ZNF707: variants seen among roughly 807,000 people sequenced by gnomAD.
ZNF707 encodes zinc finger protein 707.
A neutral mutation model predicts 13.3 loss-of-function variants in ZNF707; 8 were observed. The observed-to-expected ratio is 0.60, with a 90% CI of 0.35 to 1.09. ZNF707 has a LOEUF of 1.09. Ranked by LOEUF, ZNF707 falls within the 50% of genes least tolerant of loss-of-function variation. The pLI, the probability that ZNF707 is intolerant of heterozygous loss-of-function variation, is 0.02. For synonymous variants in ZNF707, 225 were observed against 205.6 expected (o/e 1.09, Z -0.81); for missense variants, 530 against 512.6 (o/e 1.03, Z -0.33).
chr8:143,684,996 G>C (rs1436136166), intron 1 of ZNF707: 1 of 152,212 alleles, frequency 6.6e-6, no homozygotes, highest in Admixed American at 6.6e-5. Context: ...ATTCCACCGC[G>C]AAGGGGAGGA....
chr8:143,694,319 A>G lies in ZNF707; in HGVS notation c.905A>G (p.Asn302Ser). 2 of 1,601,990 alleles carry G rather than the reference A, an allele frequency of 1.2e-6. No individual in the cohort carries two copies. Among genetic ancestry groups the G allele is most frequent in the Non-Finnish European group, 1.7e-6 (2 of 1,172,648 alleles). The change falls in exon 6 of 6, where the codon AAC (asparagine) becomes AGC (serine). Residue 302 changes from asparagine to serine, a missense_variant. Physicochemically the swap from Asn to Ser is conservative, Grantham distance 46. Coordinates refer to ENST00000358656, the MANE Select transcript of ZNF707 (RefSeq NM_001100598.2). The surrounding 1 kb of genome is among the most constrained non-coding windows in gnomAD (Gnocchi z 4.4). ...DCGKAFRTKE[N>S]LSHHQRVHSG... ...GGCAAAGCCTTCCGGACCAAGGAGAACCTCAGCCACCACCAGAGGGTCCAC... is the reference window on the plus strand; with the variant it reads ...GGCAAAGCCTTCCGGACCAAGGAGAGCCTCAGCCACCACCAGAGGGTCCAC...
At chr8:143,689,850 G>C (rs1816638177) in intron 2 of ZNF707, among the ~76,000 whole-genome samples, 1 of 152,168 alleles carries the variant, frequency 6.6e-6, no homozygotes, top group African/African-American at 2.4e-5. Context: ...ACTGTACCCA[G>C]CTGTCCCTTA....
At chr8:143,691,747 C>T (rs782751069) in intron 5 of ZNF707, 34 bp downstream of exon 5, 64 of 1,524,938 alleles carry the variant, frequency 4.2e-5, no homozygotes, top group Non-Finnish European at 5.1e-5. Context: ...CGGCGGGCCC[C>T]GTCCCTGTGG....
rs781805560 is a variant in ZNF707 at position 143,691,625 on chromosome 8, C to T, written c.168C>T (p.Leu56=). Reference sequence around the variant, plus strand: ...GATTTTGCAGCCCCAGACCAGACCTCGTCTCTCGCCTGGAACAGTGGGAGG... The same window carrying T: ...GATTTTGCAGCCCCAGACCAGACCTTGTCTCTCGCCTGGAACAGTGGGAGG... ...ALGFCSPRPD[L]VSRLEQWEEP... The change falls in exon 5 of 6, where the codon CTC becomes CTT. Residue 56 remains leucine, a synonymous_variant. Transcript: ENST00000358656. The T allele has an allele frequency of 5.6e-6, 9 of 1,608,900 alleles. No individual in the cohort carries two copies. In the East Asian group the frequency reaches 6.7e-5, roughly 12 times the overall value.
chr8:143,687,515 T>C (rs1554612443), intron 1 of ZNF707: 1 of 152,056 alleles, frequency 6.6e-6, no homozygotes, highest in African/African-American at 2.4e-5. Flanking sequence ...TTTGTATTTT[T>C]AGTAGAGACA....
intron 1 of ZNF707, chr8:143,687,982 T>C (rs1816447877): frequency 6.8e-6 from 1 of 147,726 alleles, no homozygotes. Context: ...TTTTTTTTTT[T>C]TTTTTTTTGA....
chr8:143,694,684 C>A lies in ZNF707; in HGVS notation c.*154C>A. ...GCTCCCCAGTCCCCCGAGAAGTTTA[C>A]TGGGAAAACTGCCAGGTGGGAGAAG... On this transcript the variant is annotated 3_prime_UTR_variant, in exon 6 of 6. Coordinates refer to ENST00000358656, the MANE Select transcript of ZNF707 (RefSeq NM_001100598.2). This position sits in a 1 kb window ranked among gnomAD's most constrained non-coding sequence, Gnocchi z 4.4. The A allele has an allele frequency of 1.2e-6, 1 of 845,648 alleles. No homozygotes were observed. Among genetic ancestry groups the A allele is most frequent in the Non-Finnish European group, 1.7e-6 (1 of 573,798 alleles). 52.4% of individuals were successfully genotyped at this position (845,648 alleles called of 1,614,324 possible).
At chr8:143,691,891 G>C (rs141065044) in intron 5 of ZNF707, 178 bp downstream of exon 5, 81 of 1,002,366 alleles carry the variant, frequency 8.1e-5, no homozygotes, top group Middle Eastern at 2.3e-4. Flanking sequence ...CTCCTGCCCT[G>C]ATGGACACTG....
chr8:143,694,235 A>G lies in ZNF707; in HGVS notation c.821A>G (p.Asn274Ser), dbSNP rs572200870. The G allele has an allele frequency of 2.6e-5, 42 of 1,587,682 alleles. No individual in the cohort carries two copies. Among genetic ancestry groups the G allele is most frequent in the East Asian group, 4.5e-5 (2 of 44,472 alleles). The change falls in exon 6 of 6, where the codon AAC (asparagine) becomes AGC (serine). Residue 274 changes from asparagine to serine, a missense_variant. Transcript: ENST00000358656. This position sits in a 1 kb window ranked among gnomAD's most constrained non-coding sequence, Gnocchi z 4.4. Reference sequence around the variant, plus strand: ...GGGAAAGCCTTCAAGCAGAAGTCCAACCTTCTCAGACACCAGCTGGTGCAC... The same window carrying G: ...GGGAAAGCCTTCAAGCAGAAGTCCAGCCTTCTCAGACACCAGCTGGTGCAC... ...DCGKAFKQKS[N>S]LLRHQLVHTG...
chr8:143,693,882 T>A lies in ZNF707; in HGVS notation c.468T>A (p.Arg156=). 6.2e-7 allele frequency: 1 copy of A among 1,607,490 alleles called. No homozygotes were observed. Among genetic ancestry groups the A allele is most frequent in the Non-Finnish European group, 8.5e-7 (1 of 1,176,286 alleles). Residue 156 remains arginine (R), a synonymous_variant, in exon 6 of 6, where the codon CGT becomes CGA. Coordinates refer to ENST00000358656, the MANE Select transcript of ZNF707 (RefSeq NM_001100598.2). The surrounding 1 kb of genome is among the most constrained non-coding windows in gnomAD (Gnocchi z 4.1). ...TCCCGTGTCAGGTGCTCACGCAGCG[T>A]TGTGGGCGGCGGCCGGGCCGCAGAG... ...TAFPCQVLTQ[R]CGRRPGRRER...
In ZNF707 at chr8:143,694,575, G is replaced by T. The variant is rs190577044; in HGVS notation, c.*45G>T. 38 of 1,518,084 alleles carry T rather than the reference G, an allele frequency of 2.5e-5. No individual in the cohort carries two copies. In the East Asian group the frequency reaches 8.3e-4, roughly 33 times the overall value. The allele number at this position is 1,518,084 out of a possible 1,614,324, so 94.0% of individuals were successfully genotyped here. Reference sequence around the variant, plus strand: ...TGCTGCGCCTCTGCGGGAGTACTGGGTCCTGAGGGAGAGCTGCAGTGAGAA... The same window carrying T: ...TGCTGCGCCTCTGCGGGAGTACTGGTTCCTGAGGGAGAGCTGCAGTGAGAA... On this transcript the variant is annotated 3_prime_UTR_variant, in exon 6 of 6. Coordinates refer to ENST00000358656, the MANE Select transcript of ZNF707 (RefSeq NM_001100598.2). The surrounding 1 kb of genome is among the most constrained non-coding windows in gnomAD (Gnocchi z 4.4).
rs1817170260 is a variant in ZNF707 at position 143,694,554 on chromosome 8, G to C, written c.*24G>C. 2 of 1,562,410 alleles carry C rather than the reference G, an allele frequency of 1.3e-6. No individual in the cohort carries two copies. Among genetic ancestry groups the C allele is most frequent in the African/African-American group, 2.7e-5 (2 of 74,116 alleles). On this transcript the variant is annotated 3_prime_UTR_variant, in exon 6 of 6. Coordinates refer to ENST00000358656, the MANE Select transcript of ZNF707 (RefSeq NM_001100598.2). This position sits in a 1 kb window ranked among gnomAD's most constrained non-coding sequence, Gnocchi z 4.4. ...AGGGGCGCCCGAAGAGTGGGGTGCT[G>C]CGCCTCTGCGGGAGTACTGGGTCCT...
chr8:143,685,388 G>A (rs1269937745), intron 1 of ZNF707, among the ~76,000 whole-genome samples: 2 of 152,114 alleles, frequency 1.3e-5, no homozygotes, highest in African/African-American at 2.4e-5. Flanking sequence ...GCCGGGTGTG[G>A]TGGTGCACGC....
At chr8:143,690,737 C>A (rs1554613320) in intron 3 of ZNF707, among the ~76,000 whole-genome samples, 1 of 152,240 alleles carries the variant, frequency 6.6e-6, no homozygotes, top group African/African-American at 2.4e-5. Context: ...CGTCCAAGAT[C>A]AGATGCTGCA....
At position 143,690,038 on chromosome 8, in the gene ZNF707, A is replaced by T; in HGVS notation, c.-52-19A>T. On this transcript the variant is annotated intron_variant, in intron 2 of 5. Coordinates refer to ENST00000358656, the MANE Select transcript of ZNF707 (RefSeq NM_001100598.2). Reference sequence around the variant, plus strand: ...ATTCCCAGGCCGGCTATACCCGCTTACATTTCTTGTCTCCCCAGATCTGCC... The same window carrying T: ...ATTCCCAGGCCGGCTATACCCGCTTTCATTTCTTGTCTCCCCAGATCTGCC... 6.2e-7 allele frequency: 1 copy of T among 1,602,488 alleles called. No homozygotes were observed. The highest frequency in any genetic ancestry group is 8.5e-7 in the Non-Finnish European group (1 of 1,175,988).
In ZNF707 at chr8:143,693,755, C is replaced by T; in HGVS notation, c.341C>T (p.Ala114Val). 10 of 1,613,066 alleles carry T rather than the reference C, an allele frequency of 6.2e-6. No individual in the cohort carries two copies. The highest frequency in any genetic ancestry group is 8.5e-6 in the Non-Finnish European group (10 of 1,179,784). ...HKKTHVRRER[A>V]REGSSFRKGF... Reference sequence around the variant, plus strand: ...AAAACCCACGTGCGGCGAGAAAGAGCCAGGGAAGGAAGCAGCTTTAGGAAG... The same window carrying T: ...AAAACCCACGTGCGGCGAGAAAGAGTCAGGGAAGGAAGCAGCTTTAGGAAG... Residue 114 changes from alanine (A) to valine (V), a missense_variant, in exon 6 of 6, where the codon GCC becomes GTC. Ala to Val is a moderately conservative substitution (Grantham distance 64). Coordinates refer to ENST00000358656, the MANE Select transcript of ZNF707 (RefSeq NM_001100598.2). The surrounding 1 kb of genome is among the most constrained non-coding windows in gnomAD (Gnocchi z 4.1).
At chr8:143,690,989 C>T (rs565570668) in intron 3 of ZNF707, 84 bp from the exon 4 acceptor site, 28 of 1,545,666 alleles carry the variant, frequency 1.8e-5, no homozygotes, top group Middle Eastern at 1.8e-4. Context: ...CAGGGCCACT[C>T]CCATTCCCCC....
intron 1 of ZNF707, among the ~76,000 whole-genome samples, chr8:143,686,131 T>G (rs1816245001): frequency 6.6e-6 from 1 of 152,178 alleles, no homozygotes; most frequent in East Asian, 1.9e-4. Context: ...ATCGTCTCGC[T>G]CTGTCTCCCA....
At chr8:143,691,875 G>A in intron 5 of ZNF707, 162 bp downstream of exon 5, 2 of 952,900 alleles carry the variant, frequency 2.1e-6, no homozygotes, top group Middle Eastern at 2.7e-4. Flanking sequence ...CGTAGGGGCA[G>A]CCACGCTCCT....
Sources: gnomAD v4.1 joint callset for allele counts (sites outside exome capture counted in the v4.1 genomes callset) on GRCh38, gnomAD v4.1.1 for gene constraint, Gnocchi (gnomAD v3.1) non-coding constraint, MANE v1.5 for transcripts, NCBI Gene and HGNC (gene_info 2026-07-23, HGNC 2026-07-21) for gene names.